Variants in FCHSD1 observed in about 807,000 individuals in gnomAD.
The protein encoded by FCHSD1 is F-BAR and double SH3 domains protein 1.
In FCHSD1, 109 loss-of-function variants were observed where a neutral mutation model predicts 101.3. That is an observed-to-expected ratio of 1.08 (90% CI 0.92 to 1.26). The LOEUF (loss-of-function observed/expected upper bound fraction) is 1.26. Ranked by LOEUF, FCHSD1 falls within the 50% of genes most tolerant of loss-of-function variation. FCHSD1 has a pLI of 0.00. For synonymous variants in FCHSD1, 291 were observed against 356.8 expected (o/e 0.82, Z 2.08); for missense variants, 820 against 895.8 (o/e 0.92, Z 1.08).
Position 141,651,394 on chromosome 5 carries a change from A to C in FCHSD1, c.-26T>G. The C allele has an allele frequency of 6.4e-7, 1 of 1,551,616 alleles. No homozygotes were observed. Among genetic ancestry groups the C allele is most frequent in the East Asian group, 2.4e-5 (1 of 40,956 alleles). ...CTCCGCTCCAGCAAGGCGGTCAGCC[A>C]CTGGACTCCGGAACTGGAGGAAGCC... On this transcript the variant is annotated 5_prime_UTR_variant, in exon 1 of 20. Coordinates refer to ENST00000435817, the MANE Select transcript of FCHSD1 (RefSeq NM_033449.3).
Position 141,640,697 on chromosome 5 carries a change from C to T in FCHSD1, c.*801G>A, listed in dbSNP as rs1236844571. ...CTCCTTCATTGTGCTGATGGACTAC[C>T]AGCTGGCAGGGCCAGGGGGTGGGTG... On this transcript the variant is annotated 3_prime_UTR_variant, in exon 20 of 20. Coordinates refer to ENST00000435817, the MANE Select transcript of FCHSD1 (RefSeq NM_033449.3). 2 of 1,534,318 alleles carry T rather than the reference C, an allele frequency of 1.3e-6. No homozygotes were observed. Among genetic ancestry groups the T allele is most frequent in the Non-Finnish European group, 1.7e-6 (2 of 1,145,938 alleles).
In FCHSD1 at chr5:141,639,716, A is replaced by G. The variant is rs1028533317; in HGVS notation, c.*1782T>C. 74 of 1,471,356 alleles carry G rather than the reference A, an allele frequency of 5.0e-5. No homozygotes were observed. In the South Asian group the frequency reaches 8.4e-4, roughly 17 times the overall value. 91.1% of individuals were successfully genotyped at this position (1,471,356 alleles called of 1,614,324 possible). ...GCCCAGTGATCAGGCACCTGATCCC[A>G]AAAGTGGGCCTTGGCTCTTTCCTCC... On this transcript the variant is annotated 3_prime_UTR_variant, in exon 20 of 20. Coordinates refer to ENST00000435817, the MANE Select transcript of FCHSD1 (RefSeq NM_033449.3). The surrounding 1 kb of genome is among the most constrained non-coding windows in gnomAD (Gnocchi z 4.4).
chr5:141,649,070 G>A lies in FCHSD1; in HGVS notation c.513-50C>T, dbSNP rs1389176807. 6.2e-7 allele frequency: 1 copy of A among 1,613,774 alleles called. No homozygotes were observed. Among genetic ancestry groups the A allele is most frequent in the African/African-American group, 1.3e-5 (1 of 74,900 alleles). ...AGGCCCACCCCAAGTGGGAGAATAT[G>A]AGATCAGAGTCAGGCCCAGCTTTGG... On this transcript the variant is annotated intron_variant, in intron 6 of 19. Transcript: ENST00000435817. This position sits in a 1 kb window ranked among gnomAD's most constrained non-coding sequence, Gnocchi z 4.1.
chr5:141,647,055 C>A, intron 10 of FCHSD1, 80 bp downstream of exon 10: 1 of 1,358,918 alleles, frequency 7.4e-7, no homozygotes, highest in South Asian at 1.3e-5. Flanking sequence ...TAAGTTAACA[C>A]AAAACAAAGA....
Position 141,640,770 on chromosome 5 carries a change from G to T in FCHSD1, c.*728C>A, listed in dbSNP as rs1228098573. 2.3e-5 allele frequency: 27 copies of T among 1,166,678 alleles called. No homozygotes were observed. Among genetic ancestry groups the T allele is most frequent in the South Asian group, 5.8e-5 (4 of 68,422 alleles). The allele number at this position is 1,166,678 out of a possible 1,614,324, so 72.3% of individuals were successfully genotyped here. ...CTGGACAGCACTGCCCCCCAGCTGA[G>T]GGACCAGCTCTACTTCCACCTGGAG... On this transcript the variant is annotated 3_prime_UTR_variant, in exon 20 of 20. Coordinates refer to ENST00000435817, the MANE Select transcript of FCHSD1 (RefSeq NM_033449.3).
chr5:141,644,824 C>T (rs763589187), intron 15 of FCHSD1, 35 bp downstream of exon 15: 2 of 1,609,894 alleles, frequency 1.2e-6, no homozygotes, highest in South Asian at 2.2e-5. Flanking sequence ...CTACTGCCCC[C>T]AACCCAAGGT....
chr5:141,651,205 G>T (rs2099908360), intron 1 of FCHSD1, 88 bp from the exon 2 acceptor site: 1 of 1,486,354 alleles, frequency 6.7e-7, no homozygotes, highest in Non-Finnish European at 9.2e-7. Context: ...GGGGCCGGGG[G>T]GGTGCTGAGC....
At position 141,640,636 on chromosome 5, in the gene FCHSD1, A is replaced by G. The variant is rs1337847821; in HGVS notation, c.*862T>C. ...GGGAAAAGCTGGACACAGCTTGAAC[A>G]GGAAGCAACAGTGTTATTCTTCCTC... is the stretch of plus-strand genomic sequence containing the variant. On this transcript the variant is annotated 3_prime_UTR_variant, in exon 20 of 20. Transcript: ENST00000435817. 29 of 1,537,940 alleles carry G rather than the reference A, an allele frequency of 1.9e-5. No individual in the cohort carries two copies. Among genetic ancestry groups the G allele is most frequent in the Non-Finnish European group, 2.4e-5 (27 of 1,145,718 alleles).
intron 14 of FCHSD1, 38 bp downstream of exon 14, chr5:141,644,982 C>T (rs200412858): frequency 3.7e-4 from 595 of 1,613,782 alleles, no homozygotes; most frequent in Non-Finnish European, 4.7e-4. Flanking sequence ...GGCTGTCCCC[C>T]ACCCTTGCCC....
chr5:141,640,289 T>G lies in FCHSD1; in HGVS notation c.*1209A>C. On this transcript the variant is annotated 3_prime_UTR_variant, in exon 20 of 20. Transcript: ENST00000435817. Reference sequence around the variant, plus strand: ...AGCCAAGCAAACCAGACACTTCTGATCACCAGGTAGGAAAACACAGCCGGG... The same window carrying G: ...AGCCAAGCAAACCAGACACTTCTGAGCACCAGGTAGGAAAACACAGCCGGG... The G allele has an allele frequency of 6.2e-7, 1 of 1,613,860 alleles. No individual in the cohort carries two copies. The highest frequency in any genetic ancestry group is 2.2e-5 in the East Asian group (1 of 44,884).
chr5:141,649,477 TG>T lies in FCHSD1; in HGVS notation c.292del (p.Gln98LysfsTer13). 1 of 1,613,876 alleles carries T rather than the reference TG, an allele frequency of 6.2e-7. No homozygotes were observed. Among genetic ancestry groups the T allele is most frequent in the Non-Finnish European group, 8.5e-7 (1 of 1,179,870 alleles). On this transcript the variant is annotated frameshift_variant, in exon 5 of 20. Coordinates refer to ENST00000435817, the MANE Select transcript of FCHSD1 (RefSeq NM_033449.3). LOFTEE classifies it high-confidence loss of function. This position sits in a 1 kb window ranked among gnomAD's most constrained non-coding sequence, Gnocchi z 4.1. ...CLLDATVAGGQTRLQASDRYR... is the reference protein window; with the variant it reads ...CLLDATVAGGXTRLQASDRYR... ...TCGGTCAGACGCCTGGAGTCGGGTTTGGCCCCCAGCCACGGTGGCATCCAGC... is the reference window on the plus strand; with the variant it reads ...TCGGTCAGACGCCTGGAGTCGGGTTTGCCCCCAGCCACGGTGGCATCCAGC...
At position 141,651,066 on chromosome 5, in the gene FCHSD1, G is replaced by A. The variant is rs760082283; in HGVS notation, c.73C>T (p.Leu25Phe). ...GCCTCCCTCTGCTGCCAGGTCTGAA[G>A]GATGCTCAGCTGTTCCAGGAAGCGA... ...KLRFLEQLSI[L>F]QTWQQREADL... is the part of the protein sequence containing the mutation. The change falls in exon 2 of 20, where the codon CTT becomes TTT. Residue 25 changes from leucine (L) to phenylalanine (F), a missense_variant. Transcript: ENST00000435817. 5 of 1,599,280 alleles carry A rather than the reference G, an allele frequency of 3.1e-6. No individual in the cohort carries two copies. The highest frequency in any genetic ancestry group is 2.3e-5 in the South Asian group (2 of 88,184).
rs1456391290 is a variant in FCHSD1, at chr5:141,646,651, C to G, written c.996G>C (p.Leu332Phe). The G allele has an allele frequency of 1.9e-6, 3 of 1,613,102 alleles. No individual in the cohort carries two copies. The South Asian group carries it at 3.3e-5, about 18-fold the overall frequency. The part of the protein sequence containing the change: ...KSGLEKEVQR[L>F]TSRAARDYKI... The stretch of plus-strand genomic sequence containing the variant: ...TGTAGTCACGGGCAGCTCGGCTGGT[C>G]AAGCGCTGAACCTCTTTCTCCAGGC... The change falls in exon 11 of 20, where the codon TTG becomes TTC. Residue 332 changes from leucine to phenylalanine, a missense_variant. Physicochemically the swap from Leu to Phe is conservative, Grantham distance 22 (BLOSUM62 0). Transcript: ENST00000435817.
chr5:141,645,755 TG>T lies in FCHSD1; in HGVS notation c.1311+15del, dbSNP rs1296655897. On this transcript the variant is annotated intron_variant, in intron 13 of 19. Coordinates refer to ENST00000435817, the MANE Select transcript of FCHSD1 (RefSeq NM_033449.3). Reference sequence around the variant, plus strand: ...CCTTCTAAGTAAGGATGGGTAGTGTTGGGGGAGGAGCTCACGGTTGGAGAGA... The same window carrying T: ...CCTTCTAAGTAAGGATGGGTAGTGTTGGGGAGGAGCTCACGGTTGGAGAGA... 2 of 1,607,778 alleles carry T rather than the reference TG, an allele frequency of 1.2e-6. No individual in the cohort carries two copies. The highest frequency in any genetic ancestry group is 1.7e-6 in the Non-Finnish European group (2 of 1,176,534).
In FCHSD1 at chr5:141,639,514, C is replaced by T. The variant is rs2099906581; in HGVS notation, c.*1984G>A. 1.2e-6 allele frequency: 2 copies of T among 1,614,064 alleles called. No individual in the cohort carries two copies. Among genetic ancestry groups the T allele is most frequent in the Non-Finnish European group, 1.7e-6 (2 of 1,180,004 alleles). ...GACGGAGCCCCCTCCCATCATCACA[C>T]AGTGCACCTGGGCTCTGCAGCCCCT... On this transcript the variant is annotated 3_prime_UTR_variant, in exon 20 of 20. Coordinates refer to ENST00000435817, the MANE Select transcript of FCHSD1 (RefSeq NM_033449.3). This position sits in a 1 kb window ranked among gnomAD's most constrained non-coding sequence, Gnocchi z 4.4.
chr5:141,643,215 T>A, intron 17 of FCHSD1, 127 bp from the exon 18 acceptor site: 2 of 579,730 alleles, frequency 3.4e-6, no homozygotes, highest in Non-Finnish European at 5.6e-6. Flanking sequence ...ATGCTTGCAT[T>A]CGGTGGGGGG....
intron 11 of FCHSD1, 83 bp from the exon 12 acceptor site, chr5:141,646,274 A>C (rs2099907640): frequency 1.6e-6 from 2 of 1,219,156 alleles, no homozygotes; most frequent in Non-Finnish European, 2.3e-6. Flanking sequence ...TGCTAGTTGC[A>C]TCACATACAT....
chr5:141,641,605 AG>A (rs1239029946), intron 19 of FCHSD1, 42 bp from the exon 20 acceptor site: 2 of 1,600,912 alleles, frequency 1.2e-6, no homozygotes, highest in East Asian at 4.5e-5. Flanking sequence ...TTCTCCCTTA[AG>A]GGTATCCCTG....
chr5:141,639,492 G>A lies in FCHSD1; in HGVS notation c.*2006C>T, dbSNP rs113111824. Reference sequence around the variant, plus strand: ...GGATGCCACCTCCAGCCTGCAGGACGGAGCCCCCTCCCATCATCACACAGT... The same window carrying A: ...GGATGCCACCTCCAGCCTGCAGGACAGAGCCCCCTCCCATCATCACACAGT... On this transcript the variant is annotated 3_prime_UTR_variant, in exon 20 of 20. Transcript: ENST00000435817. The surrounding 1 kb of genome is among the most constrained non-coding windows in gnomAD (Gnocchi z 4.4). 197 of 1,613,690 alleles carry A rather than the reference G, an allele frequency of 1.2e-4. No individual in the cohort carries two copies. Among genetic ancestry groups the A allele is most frequent in the African/African-American group, 5.3e-5 (4 of 74,996 alleles).
Sources: gnomAD v4.1 joint callset for allele counts on GRCh38, gnomAD v4.1.1 for gene constraint, Gnocchi (gnomAD v3.1) non-coding constraint, MANE v1.5 for transcripts, NCBI Gene and HGNC (gene_info 2026-07-23, HGNC 2026-07-21) for gene names.